SLC36A2: variants seen among roughly 807,000 people sequenced by gnomAD.
SLC36A2 encodes the protein proton-coupled amino acid transporter 2.
In SLC36A2, 39 loss-of-function variants were observed where a neutral mutation model predicts 42.7. The observed-to-expected ratio is 0.91, with a 90% CI of 0.71 to 1.19. The LOEUF is 1.19. SLC36A2 is among the 50% of genes most tolerant of loss of function. The pLI is 0.00. For missense variants in SLC36A2, 590 were observed against 613.7 expected (o/e 0.96, Z 0.41); for synonymous variants, 237 against 240.8 (o/e 0.98, Z 0.15).
At chr5:151,338,617 A>C (rs1756224736) in intron 5 of SLC36A2, 3 of 169,068 alleles carry the variant, frequency 1.8e-5, no homozygotes, top group African/African-American at 4.8e-5. Flanking sequence ...TTGAGGCTGC[A>C]GTGAGCTGTG....
intron 4 of SLC36A2, 124 bp from the exon 5 acceptor site, chr5:151,339,268 C>T: frequency 1.5e-6 from 1 of 646,226 alleles, no homozygotes; most frequent in South Asian, 1.5e-5. Flanking sequence ...CACACTTGGT[C>T]CTTCCACCAC....
In SLC36A2 at chr5:151,316,639, C is replaced by G. The variant is rs1411312797; in HGVS notation, c.*178G>C. On this transcript the variant is annotated 3_prime_UTR_variant, in exon 10 of 10. Transcript: ENST00000335244. ...CCTCTAATCCCAACTACTCGGGAGG[C>G]TGAGGCAGGAGAATCGCTTGAACCC... 1.4e-6 allele frequency: 1 copy of G among 724,828 alleles called. No homozygotes were observed. The highest frequency in any genetic ancestry group is 2.1e-6 in the Non-Finnish European group (1 of 465,314). 44.9% of individuals were successfully genotyped at this position (724,828 alleles called of 1,614,324 possible).
rs943078503 is a variant in SLC36A2, at chr5:151,316,124, G to T, written c.*693C>A. On this transcript the variant is annotated 3_prime_UTR_variant, in exon 10 of 10. Coordinates refer to ENST00000335244, the MANE Select transcript of SLC36A2 (RefSeq NM_181776.3). ...GAACAGACCCAGAAAAGGGAAAACC[G>T]GTTGTCTGCCAAAGTGTGGACAGTC... 1.3e-5 allele frequency: 2 copies of T among 152,282 alleles called. No individual in the cohort carries two copies. The highest frequency in any genetic ancestry group is 4.8e-5 in the African/African-American group (2 of 41,420). The allele number at this position is 152,282 out of a possible 1,614,324, so 9.4% of individuals were successfully genotyped here.
chr5:151,319,985 C>T (rs565983047), intron 9 of SLC36A2, among the ~76,000 whole-genome samples: 3 of 152,236 alleles, frequency 2.0e-5, no homozygotes, highest in South Asian at 2.1e-4. Flanking sequence ...CTTTTTACAT[C>T]GTATTTCGTA....
chr5:151,324,388 A>G (rs1371960478), intron 8 of SLC36A2, among the ~76,000 whole-genome samples: 2 of 150,672 alleles, frequency 1.3e-5, no homozygotes, highest in African/African-American at 2.5e-5. Flanking sequence ...GCTGGAGTTC[A>G]ATGGCACCAT....
At position 151,344,158 on chromosome 5, in the gene SLC36A2, C is replaced by A. The variant is rs1413042442; in HGVS notation, c.255+19G>T. On this transcript the variant is annotated intron_variant, in intron 2 of 9. Transcript: ENST00000335244. ...TCTGCAACTGACCATAAAGCCCCCA[C>A]ATGTGGCGCCTCTCTTACCAGGATG... The A allele has an allele frequency of 6.2e-7, 1 of 1,611,770 alleles. No individual in the cohort carries two copies. The highest frequency in any genetic ancestry group is 8.5e-7 in the Non-Finnish European group (1 of 1,178,452).
Position 151,322,132 on chromosome 5 carries a change from A to T in SLC36A2, c.1094T>A (p.Ile365Asn). The T allele has an allele frequency of 1.2e-6, 2 of 1,614,216 alleles. No homozygotes were observed. Among genetic ancestry groups the T allele is most frequent in the East Asian group, 4.5e-5 (2 of 44,882 alleles). ...CACCCGGGAGATGGCAAAGGGGATG[A>T]TGATTTCTGCAGGGACGTAGAACTG... is the stretch of plus-strand genomic sequence containing the variant. The part of the protein sequence containing the change: ...ALQFYVPAEI[I>N]IPFAISRVST... Residue 365 changes from isoleucine to asparagine, a missense_variant, in exon 9 of 10, where the codon ATC (isoleucine) becomes AAC (asparagine). By Grantham distance (149) the Ile-to-Asn change is moderately radical (BLOSUM62 -3). Transcript: ENST00000335244.
Position 151,333,338 on chromosome 5 carries a change from A to G in SLC36A2, c.745-16T>C, listed in dbSNP as rs1561656980. ...CTGGGATTTCCTAAAGAAGAAAGAA[A>G]TGCTATGAGACAGTCACTCTTAAAG... is the stretch of plus-strand genomic sequence containing the variant. On this transcript the variant is annotated splice_polypyrimidine_tract_variant and intron_variant, in intron 6 of 9. Coordinates refer to ENST00000335244, the MANE Select transcript of SLC36A2 (RefSeq NM_181776.3). 6.2e-7 allele frequency: 1 copy of G among 1,605,512 alleles called. No individual in the cohort carries two copies. The highest frequency in any genetic ancestry group is 8.5e-7 in the Non-Finnish European group (1 of 1,172,204).
chr5:151,317,477 T>A (rs1755536409), intron 9 of SLC36A2, among the ~76,000 whole-genome samples: 1 of 151,642 alleles, frequency 6.6e-6, no homozygotes, highest in Non-Finnish European at 1.5e-5. Flanking sequence ...AAAATCCTCT[T>A]CTTAAAAAAT....
At chr5:151,342,574 G>T (rs767957765) in intron 4 of SLC36A2, among the ~76,000 whole-genome samples, 1 of 152,170 alleles carries the variant, frequency 6.6e-6, no homozygotes, top group African/African-American at 2.4e-5. Context: ...TGGACTATGG[G>T]TTCTGTGAGG....
At chr5:151,318,815 CA>C (rs1755598306) in intron 9 of SLC36A2, among the ~76,000 whole-genome samples, 2 of 151,924 alleles carry the variant, frequency 1.3e-5, no homozygotes, top group Non-Finnish European at 2.9e-5. Context: ...AAACCCCTAA[CA>C]AAGAAACACG....
chr5:151,335,698 A>G, intron 5 of SLC36A2, 151 bp from the exon 6 acceptor site: 1 of 693,212 alleles, frequency 1.4e-6, no homozygotes, highest in South Asian at 1.6e-5. Context: ...GTGAATGTAG[A>G]ACTTATTCTA....
rs576631286 is a variant in SLC36A2 at position 151,339,047 on chromosome 5, T to C, written c.525+13A>G. 5.0e-6 allele frequency: 8 copies of C among 1,599,394 alleles called. No homozygotes were observed. Among genetic ancestry groups the C allele is most frequent in the Non-Finnish European group, 6.8e-6 (8 of 1,168,402 alleles). ...CCATCTTTTCCCCTCCCGTTTTCTCTAGAAGCCTCTACCTGTTTTAAATTA... is the reference window on the plus strand; with the variant it reads ...CCATCTTTTCCCCTCCCGTTTTCTCCAGAAGCCTCTACCTGTTTTAAATTA... On this transcript the variant is annotated intron_variant, in intron 5 of 9. Transcript: ENST00000335244.
In SLC36A2 at chr5:151,342,986, G is replaced by A; in HGVS notation, c.345-3C>T. The A allele has an allele frequency of 6.2e-7, 1 of 1,611,996 alleles. No individual in the cohort carries two copies. The highest frequency in any genetic ancestry group is 8.5e-7 in the Non-Finnish European group (1 of 1,178,096). ...AGTCCATAAAGGGCTTGTTAAGCCT[G>A]CAGGAGAGAGTGCATAAACGGTTTC... is the stretch of plus-strand genomic sequence containing the variant. On this transcript the variant is annotated splice_region_variant and splice_polypyrimidine_tract_variant and intron_variant, in intron 3 of 9. Coordinates refer to ENST00000335244, the MANE Select transcript of SLC36A2 (RefSeq NM_181776.3).
intron 7 of SLC36A2, among the ~76,000 whole-genome samples, chr5:151,327,772 ACAAT>A (rs927779147): frequency 2.9e-4 from 44 of 152,020 alleles, no homozygotes; most frequent in African/African-American, 1.0e-3. Flanking sequence ...CTCTCTCTCC[ACAAT>A]CAGTCAGTCA....
chr5:151,338,614 T>A (rs1452123025), intron 5 of SLC36A2: 2 of 165,516 alleles, frequency 1.2e-5, no homozygotes, highest in Non-Finnish European at 2.6e-5. Flanking sequence ...AGTTTGAGGC[T>A]GCAGTGAGCT....
intron 8 of SLC36A2, among the ~76,000 whole-genome samples, chr5:151,323,906 C>A (rs190622094): frequency 6.6e-6 from 1 of 152,268 alleles, no homozygotes; most frequent in African/African-American, 2.4e-5. Context: ...GGGAAAGGAG[C>A]CACATTTAGG....
intron 7 of SLC36A2, among the ~76,000 whole-genome samples, chr5:151,326,857 G>T (rs1176310732): frequency 1.4e-5 from 2 of 143,518 alleles, no homozygotes; most frequent in Non-Finnish European, 3.0e-5. Flanking sequence ...TGTCACCCAG[G>T]CTGGAGTGCA....
In SLC36A2 at chr5:151,316,662, C is replaced by T; in HGVS notation, c.*155G>A. Reference sequence around the variant, plus strand: ...GGCTGAGGCAGGAGAATCGCTTGAACCCAGGAGGCCGAAGTTGTGGTGAGC... The same window carrying T: ...GGCTGAGGCAGGAGAATCGCTTGAATCCAGGAGGCCGAAGTTGTGGTGAGC... On this transcript the variant is annotated 3_prime_UTR_variant, in exon 10 of 10. Transcript: ENST00000335244. 2 of 948,368 alleles carry T rather than the reference C, an allele frequency of 2.1e-6. No individual in the cohort carries two copies. Among genetic ancestry groups the T allele is most frequent in the Non-Finnish European group, 3.0e-6 (2 of 656,644 alleles). 58.7% of individuals were successfully genotyped at this position (948,368 alleles called of 1,614,324 possible). A position where few individuals can be genotyped will look rare whatever the true frequency, so the allele number is the denominator to read the frequency against.
Sources: gnomAD v4.1 joint callset for allele counts (sites outside exome capture counted in the v4.1 genomes callset) on GRCh38, gnomAD v4.1.1 for gene constraint, MANE v1.5 for transcripts, NCBI Gene and HGNC (gene_info 2026-07-23, HGNC 2026-07-21) for gene names.